Variants in AQR observed in about 807,000 individuals in gnomAD.
The protein encoded by AQR is RNA helicase aquarius.
Under a neutral mutation model 180.5 loss-of-function variants are expected in AQR, and 61 were observed. That is an observed-to-expected ratio of 0.34 (90% CI 0.28 to 0.42). The LOEUF is 0.42. AQR is among the 10% of genes least tolerant of loss of function. The pLI, the probability that AQR is intolerant of heterozygous loss-of-function variation, is 1.00. For missense variants in AQR, 1,281 were observed against 1,798.3 expected (o/e 0.71, Z 5.20); for synonymous variants, 551 against 588.8 (o/e 0.94, Z 0.93).
chr15:34,957,313 C>A (rs1006653880), intron 3 of AQR, among the ~76,000 whole-genome samples: 1 of 152,040 alleles, frequency 6.6e-6, no homozygotes, highest in African/African-American at 2.4e-5. Context: ...CGTGCCACCA[C>A]ACCCAGCTGA....
chr15:34,889,795 C>T (rs1248602479), intron 24 of AQR, among the ~76,000 whole-genome samples: 2 of 152,024 alleles, frequency 1.3e-5, no homozygotes, highest in Admixed American at 6.6e-5. Flanking sequence ...GTCAGCCTCC[C>T]GTAATTTCTA....
rs1212904597 is a variant in AQR at position 34,932,292 on chromosome 15, A to G, written c.900+26T>C. The G allele has an allele frequency of 1.9e-6, 3 of 1,553,408 alleles. No individual in the cohort carries two copies. The Admixed American group carries it at 5.0e-5, about 26-fold the overall frequency. ...ATCAATTTAGAAAGTAAAACAATAA[A>G]TACGTTCAGATACATCAATATTCAC... On this transcript the variant is annotated intron_variant, in intron 11 of 34. Coordinates refer to ENST00000156471, the MANE Select transcript of AQR (RefSeq NM_014691.3).
chr15:34,943,091 C>T (rs1296134210), intron 6 of AQR: 2 of 1,611,558 alleles, frequency 1.2e-6, no homozygotes, highest in Admixed American at 3.3e-5. Context: ...TGGTTAACGT[C>T]CCTAAAACCC....
At chr15:34,952,800 AGT>A (rs1471914082) in intron 4 of AQR, 83 bp downstream of exon 4, 1 of 901,722 alleles carries the variant, frequency 1.1e-6, no homozygotes, top group African/African-American at 1.7e-5. Context: ...AGATTTTCTT[AGT>A]GACTCACAGA....
In AQR at chr15:34,895,197, T is replaced by A. The variant is rs1436527396; in HGVS notation, c.2461-1424A>T. ...AAAAAAAAAAAAAAAAATATATATA[T>A]ATATATATATATATATATATATATG... On this transcript the variant is annotated intron_variant, in intron 22 of 34. Coordinates refer to ENST00000156471, the MANE Select transcript of AQR (RefSeq NM_014691.3). Among the ~76,000 whole-genome samples, 460 of 47,064 alleles carry A rather than the reference T, an allele frequency of 9.8e-3. 14 individuals are homozygous for A. Among genetic ancestry groups the A allele is most frequent in the Non-Finnish European group, 0.014 (315 of 23,254 alleles). The allele number at this position is 47,064 out of a possible 152,430, so 30.9% of individuals were successfully genotyped here.
At chr15:34,916,027 T>C (rs1893579238) in intron 15 of AQR, among the ~76,000 whole-genome samples, 1 of 152,134 alleles carries the variant, frequency 6.6e-6, no homozygotes, top group African/African-American at 2.4e-5. Context: ...GAGTGATCTG[T>C]ATGTAAACAG....
Position 34,853,378 on chromosome 15 carries a change from G to C in AQR, c.*3414C>G, listed in dbSNP as rs1323375771. 1 of 152,094 alleles carries C rather than the reference G, an allele frequency of 6.6e-6. No homozygotes were observed. Among genetic ancestry groups the C allele is most frequent in the African/African-American group, 2.4e-5 (1 of 41,406 alleles). 9.4% of individuals were successfully genotyped at this position (152,094 alleles called of 1,614,324 possible). On this transcript the variant is annotated 3_prime_UTR_variant, in exon 35 of 35. Coordinates refer to ENST00000156471, the MANE Select transcript of AQR (RefSeq NM_014691.3). ...ACATGCAACAATATAGATGATTTGG[G>C]GGTGGGACAGTACAGAATTCAGAAC...
chr15:34,932,947 C>A (rs1344125845), intron 10 of AQR, among the ~76,000 whole-genome samples: 1 of 151,980 alleles, frequency 6.6e-6, no homozygotes, highest in Non-Finnish European at 1.5e-5. Context: ...CAGAGCAAGA[C>A]TGTCTCAGAA....
In AQR at chr15:34,854,440, T is replaced by C. The variant is rs1892559394; in HGVS notation, c.*2352A>G. ...TTGATTGAAAAAATAAACAAAGCAG[T>C]GCCGTAGAACTGTAGACTTGGATTC... On this transcript the variant is annotated 3_prime_UTR_variant, in exon 35 of 35. Transcript: ENST00000156471. 1 of 152,198 alleles carries C rather than the reference T, an allele frequency of 6.6e-6. No individual in the cohort carries two copies. Among genetic ancestry groups the C allele is most frequent in the African/African-American group, 2.4e-5 (1 of 41,460 alleles). 9.4% of individuals were successfully genotyped at this position (152,198 alleles called of 1,614,324 possible).
intron 32 of AQR, among the ~76,000 whole-genome samples, chr15:34,865,484 T>C (rs1352454554): frequency 6.6e-6 from 1 of 152,150 alleles, no homozygotes; most frequent in Non-Finnish European, 1.5e-5. Context: ...AGGCAGGCAC[T>C]TGGAAAACAG....
At chr15:34,866,749 T>C (rs1892742624) in intron 32 of AQR, among the ~76,000 whole-genome samples, 1 of 152,170 alleles carries the variant, frequency 6.6e-6, no homozygotes, top group African/African-American at 2.4e-5. Context: ...ACACTTAATA[T>C]GCAAAAACAA....
chr15:34,955,726 G>A (rs1894302901), intron 3 of AQR, among the ~76,000 whole-genome samples: 1 of 152,042 alleles, frequency 6.6e-6, no homozygotes, highest in Non-Finnish European at 1.5e-5. Context: ...TGGCCAACAT[G>A]GCGAAACCCC....
intron 4 of AQR, 62 bp downstream of exon 4, chr15:34,952,823 A>C (rs548459930): frequency 1.8e-4 from 211 of 1,191,516 alleles, no homozygotes; most frequent in Non-Finnish European, 2.4e-4. Flanking sequence ...AATAACACAG[A>C]AAATTTAGCT....
intron 3 of AQR, among the ~76,000 whole-genome samples, chr15:34,956,560 G>A (rs1894319489): frequency 6.6e-6 from 1 of 152,114 alleles, no homozygotes; most frequent in Non-Finnish European, 1.5e-5. Flanking sequence ...GCTGAGGCAG[G>A]AGAATCGCTG....
Position 34,884,729 on chromosome 15 carries a change from C to G in AQR, c.2823G>C (p.Met941Ile), listed in dbSNP as rs1893031919. 1 of 1,595,054 alleles carries G rather than the reference C, an allele frequency of 6.3e-7. No individual in the cohort carries two copies. Among genetic ancestry groups the G allele is most frequent in the African/African-American group, 1.4e-5 (1 of 73,548 alleles). Residue 941 changes from methionine (M) to isoleucine (I), a missense_variant, in exon 26 of 35, where the codon ATG becomes ATC. Coordinates refer to ENST00000156471, the MANE Select transcript of AQR (RefSeq NM_014691.3). ...TAGYFFLYQV[M>I]SRWEEYISKV... Reference sequence around the variant, plus strand: ...TGCTGATATACTCTTCCCAGCGAGACATTACCTGTAGAAAAAAGGACTTGA... The same window carrying G: ...TGCTGATATACTCTTCCCAGCGAGAGATTACCTGTAGAAAAAAGGACTTGA...
chr15:34,948,068 A>C (rs2140501309), intron 5 of AQR, 196 bp downstream of exon 5: 1 of 514,858 alleles, frequency 1.9e-6, no homozygotes, highest in East Asian at 3.6e-5. Context: ...TTCATAGTAA[A>C]TTATTAAATC....
intron 33 of AQR, 72 bp downstream of exon 33, chr15:34,862,795 G>A: frequency 6.7e-7 from 1 of 1,481,492 alleles, no homozygotes; most frequent in Non-Finnish European, 9.3e-7. Flanking sequence ...AAGCTAATGT[G>A]GTCACCTATA....
At chr15:34,899,865 C>T (rs1304421614) in intron 20 of AQR, among the ~76,000 whole-genome samples, 4 of 151,952 alleles carry the variant, frequency 2.6e-5, no homozygotes, top group Non-Finnish European at 5.9e-5. Flanking sequence ...AAGACCAGAC[C>T]TAATTTAAGA....
chr15:34,962,733 C>T (rs1159273687), intron 2 of AQR, among the ~76,000 whole-genome samples: 1 of 151,298 alleles, frequency 6.6e-6, no homozygotes, highest in Non-Finnish European at 1.5e-5. Context: ...CGTGCCATTA[C>T]ACTCCAAACT....
Sources: allele counts gnomAD v4.1 joint callset (sites outside exome capture counted in the v4.1 genomes callset), GRCh38; gene constraint gnomAD v4.1.1; transcripts MANE v1.5; gene names NCBI Gene and HGNC (gene_info 2026-07-23, HGNC 2026-07-21).